CABIN1: variants seen among roughly 807,000 people sequenced by gnomAD.
CABIN1 encodes calcineurin-binding protein cabin-1.
CABIN1 carries 133 observed loss-of-function variants against 227.7 expected under a neutral mutation model. That is an observed-to-expected ratio of 0.58 (90% CI 0.51 to 0.67). The LOEUF (loss-of-function observed/expected upper bound fraction) is 0.67. CABIN1 is among the 30% of genes least tolerant of loss of function. The probability of loss-of-function intolerance (pLI) is 0.00; values close to 1 mark genes in which losing one functional copy is unlikely to be tolerated. For missense variants in CABIN1, 2,408 were observed against 2,852.5 expected, an observed-to-expected ratio of 0.84 and a Z score of 3.55; for synonymous variants, 1,086 against 1,155.1, an observed-to-expected ratio of 0.94 and a Z score of 1.21.
intron 2 of CABIN1, 68 bp from the exon 3 acceptor site, chr22:24,036,021 G>T: frequency 2.0e-6 from 2 of 988,152 alleles, no homozygotes; most frequent in South Asian, 1.3e-5. Flanking sequence ...GTATTCATCT[G>T]TGGGTATTTG....
At chr22:24,080,369 TC>T (rs2040727788) in intron 19 of CABIN1, among the ~76,000 whole-genome samples, 1 of 152,196 alleles carries the variant, frequency 6.6e-6, no homozygotes, top group Non-Finnish European at 1.5e-5. Context: ...CTTTTCCTCT[TC>T]TGTACCATTG....
intron 29 of CABIN1, among the ~76,000 whole-genome samples, chr22:24,147,145 G>C (rs1044609974): frequency 5.3e-5 from 8 of 152,228 alleles, no homozygotes; most frequent in Admixed American, 3.3e-4. Flanking sequence ...TTCCTGAATA[G>C]AGGAGCATTT....
intron 22 of CABIN1, 53 bp from the exon 23 acceptor site, chr22:24,087,399 C>T: frequency 1.2e-6 from 2 of 1,606,816 alleles, no homozygotes; most frequent in Non-Finnish European, 1.7e-6. Context: ...TCATTATCTT[C>T]CATGCTTTTC....
chr22:24,143,728 G>T (rs1356837015), intron 29 of CABIN1, among the ~76,000 whole-genome samples: 1 of 152,166 alleles, frequency 6.6e-6, no homozygotes, highest in Non-Finnish European at 1.5e-5. Flanking sequence ...TAGCATGTCC[G>T]TGAGGCTTAG....
chr22:24,083,435 T>G, intron 20 of CABIN1, 46 bp downstream of exon 20: 1 of 1,606,206 alleles, frequency 6.2e-7, no homozygotes, highest in South Asian at 1.1e-5. Flanking sequence ...GCAGGAGCTG[T>G]AAGCTCTTTT....
intron 11 of CABIN1, 74 bp downstream of exon 11, chr22:24,059,437 G>A (rs759517881): frequency 1.9e-6 from 3 of 1,560,780 alleles, no homozygotes; most frequent in Non-Finnish European, 2.6e-6. Context: ...CTTATGTTTT[G>A]TTCTGGGAGA....
intron 27 of CABIN1, among the ~76,000 whole-genome samples, chr22:24,114,105 T>C (rs1330104686): frequency 1.3e-5 from 2 of 152,172 alleles, no homozygotes; most frequent in African/African-American, 2.4e-5. Context: ...AATGGTTATT[T>C]TAAAAGTCTT....
chr22:24,091,549 G>A (rs772679761), intron 23 of CABIN1, 34 bp from the exon 24 acceptor site: 59 of 1,613,840 alleles, frequency 3.7e-5, no homozygotes, highest in Admixed American at 3.5e-4. Flanking sequence ...AGGTTCAGGC[G>A]TAAGGCCAGC....
rs763252749 is a variant in CABIN1, at chr22:24,041,213, CTT to C, written c.286_287del (p.Leu96GlyfsTer33). The stretch of plus-strand genomic sequence containing the variant: ...TACTGAAATATTCCACTTATAAGAA[CTT>C]GGCCCAGCTGGCAGCCCAGCGGGAG... ...LILKYSTYKN[L>X]AQLAAQREDL... On this transcript the variant is annotated frameshift_variant, in exon 5 of 37. Transcript: ENST00000263119. LOFTEE classifies it high-confidence loss of function. 1 of 1,614,204 alleles carries C rather than the reference CTT, an allele frequency of 6.2e-7. No individual in the cohort carries two copies. Among genetic ancestry groups the C allele is most frequent in the Admixed American group, 1.7e-5 (1 of 60,026 alleles).
intron 29 of CABIN1, among the ~76,000 whole-genome samples, chr22:24,150,928 A>G (rs1238488279): frequency 1.3e-5 from 2 of 152,168 alleles, no homozygotes; most frequent in Non-Finnish European, 2.9e-5. Flanking sequence ...TGCTTGGGTC[A>G]AGTCTTTCTG....
At position 24,155,459 on chromosome 22, in the gene CABIN1, TCTCTGTGGGCCTCACAGCCTAGCTGG is replaced by T. The variant is rs559443571; in HGVS notation, c.4747-8940_4747-8915del. On this transcript the variant is annotated intron_variant, in intron 29 of 36. Coordinates refer to ENST00000263119, the MANE Select transcript of CABIN1 (RefSeq NM_012295.4). Reference sequence around the variant, plus strand: ...ACCCTACCCCTCAAACCCAGTGCTTTCTCTGTGGGCCTCACAGCCTAGCTGGAAGATGAGGCCCCTTCCAGCTGTAA... The same window carrying T: ...ACCCTACCCCTCAAACCCAGTGCTTTAAGATGAGGCCCCTTCCAGCTGTAA... Among the ~76,000 whole-genome samples, 36 of 152,184 alleles carry T rather than the reference TCTCTGTGGGCCTCACAGCCTAGCTGG, an allele frequency of 2.4e-4. No homozygotes were observed. The East Asian group carries it at 3.3e-3, about 14-fold the overall frequency.
At position 24,087,935 on chromosome 22, in the gene CABIN1, G is replaced by A. The variant is rs576214764; in HGVS notation, c.3525+222G>A. ...GTCTAGTGTAGACAAATTAGGGACAGGCTGTTAGACCCAGCTGGTCAGCCA... is the reference window on the plus strand; with the variant it reads ...GTCTAGTGTAGACAAATTAGGGACAAGCTGTTAGACCCAGCTGGTCAGCCA... On this transcript the variant is annotated intron_variant, in intron 23 of 36. Transcript: ENST00000263119. Among the ~76,000 whole-genome samples, 6 of 152,332 alleles carry A rather than the reference G, an allele frequency of 3.9e-5. No individual in the cohort carries two copies. The East Asian group carries it at 9.6e-4, about 24-fold the overall frequency.
At chr22:24,019,245 C>G (rs1024990626) in intron 1 of CABIN1, among the ~76,000 whole-genome samples, 2 of 149,848 alleles carry the variant, frequency 1.3e-5, no homozygotes, top group African/African-American at 4.9e-5. Flanking sequence ...ATTCTCCTGC[C>G]TCAGCCTCCT....
chr22:24,096,034 G>C lies in CABIN1; in HGVS notation c.3890G>C (p.Gly1297Ala). 1 of 1,614,162 alleles carries C rather than the reference G, an allele frequency of 6.2e-7. No homozygotes were observed. The highest frequency in any genetic ancestry group is 8.5e-7 in the Non-Finnish European group (1 of 1,180,028). ...AACTTTATGAAGGAGGCTGCAGAAG[G>C]ACCCTTTGCCAGGGGCGAGGAGAAG... is the stretch of plus-strand genomic sequence containing the variant. ...LVNFMKEAAE[G>A]PFARGEEKNT... The change falls in exon 25 of 37, where the codon GGA becomes GCA. Residue 1297 changes from glycine (G) to alanine (A), a missense_variant. Transcript: ENST00000263119.
At chr22:24,050,554 T>G (rs1368369673) in intron 7 of CABIN1, among the ~76,000 whole-genome samples, 1 of 152,214 alleles carries the variant, frequency 6.6e-6, no homozygotes, top group Non-Finnish European at 1.5e-5. Context: ...TTTCAGATAT[T>G]ATTGTGATAG....
intron 2 of CABIN1, 94 bp downstream of exon 2, chr22:24,035,614 G>T: frequency 1.3e-6 from 2 of 1,504,652 alleles, no homozygotes; most frequent in Non-Finnish European, 1.9e-6. Flanking sequence ...AGATTCTGAA[G>T]GCTCTTATTA....
intron 29 of CABIN1, among the ~76,000 whole-genome samples, chr22:24,139,880 G>A (rs181316141): frequency 4.2e-4 from 64 of 152,372 alleles, no homozygotes; most frequent in Non-Finnish European, 7.3e-4. Flanking sequence ...CATTCTCCTG[G>A]ATCAGCCAGT....
At chr22:24,098,421 G>A (rs1256242550) in intron 26 of CABIN1, 39 of 824,594 alleles carry the variant, frequency 4.7e-5, no homozygotes. Context: ...GGGAGCCAGG[G>A]GAGGGGGCAG....
intron 26 of CABIN1, among the ~76,000 whole-genome samples, chr22:24,107,097 C>A (rs1308654381): frequency 6.6e-6 from 1 of 152,116 alleles, no homozygotes; most frequent in Non-Finnish European, 1.5e-5. Context: ...GGGCGGGAAC[C>A]TTGGCAAGCA....
Sources: gnomAD v4.1 joint callset for allele counts (sites outside exome capture counted in the v4.1 genomes callset) on GRCh38, gnomAD v4.1.1 for gene constraint, MANE v1.5 for transcripts, NCBI Gene and HGNC (gene_info 2026-07-23, HGNC 2026-07-21) for gene names.